Variants in STX8 observed in about 807,000 individuals in gnomAD.
STX8 encodes the protein syntaxin 8.
A neutral mutation model predicts 37.5 loss-of-function variants in STX8; 23 were observed. The observed-to-expected ratio is 0.61, with a 90% confidence interval of 0.44 to 0.87. The LOEUF is 0.87. Ranked by LOEUF, STX8 falls within the 40% of genes least tolerant of loss-of-function variation. The pLI is 0.00. For missense variants in STX8, 313 were observed against 284.7 expected, an observed-to-expected ratio of 1.10 and a Z score of -0.71; for synonymous variants, 115 against 99.1, an observed-to-expected ratio of 1.16 and a Z score of -0.95.
chr17:9,338,048 ATTT>A (rs972471091), intron 7 of STX8, among the ~76,000 whole-genome samples: 4 of 107,870 alleles, frequency 3.7e-5, no homozygotes, highest in Non-Finnish European at 5.6e-5. Flanking sequence ...CCTCTGAAGG[ATTT>A]TTTTTTTTTT....
chr17:9,327,665 G>A (rs1293219632), intron 7 of STX8, among the ~76,000 whole-genome samples: 1 of 152,052 alleles, frequency 6.6e-6, no homozygotes, highest in Non-Finnish European at 1.5e-5. Context: ...AGACAAGGTA[G>A]GGCAGAGAAT....
intron 6 of STX8, among the ~76,000 whole-genome samples, chr17:9,403,868 G>C (rs1873358278): frequency 1.3e-5 from 2 of 152,060 alleles, no homozygotes; most frequent in East Asian, 3.9e-4. Context: ...GGCTGGTCTC[G>C]AACTCCTGAC....
At chr17:9,295,713 A>G (rs1908494491) in intron 7 of STX8, among the ~76,000 whole-genome samples, 1 of 152,072 alleles carries the variant, frequency 6.6e-6, no homozygotes, top group Non-Finnish European at 1.5e-5. Context: ...ACCGCACTCC[A>G]GCGTGACGAC....
chr17:9,485,467 A>G (rs1047756081), intron 6 of STX8, among the ~76,000 whole-genome samples: 5 of 152,244 alleles, frequency 3.3e-5, no homozygotes, highest in Middle Eastern at 3.2e-3. Context: ...AAAAAAATGT[A>G]TGCCTGCTGT....
chr17:9,498,431 G>A (rs1031202713), intron 5 of STX8, among the ~76,000 whole-genome samples: 4 of 151,658 alleles, frequency 2.6e-5, no homozygotes, highest in Non-Finnish European at 4.4e-5. Flanking sequence ...GGTCAAGCTA[G>A]ATAAAAAGTT....
At chr17:9,367,791 T>C (rs1339489142) in intron 7 of STX8, among the ~76,000 whole-genome samples, 3 of 152,136 alleles carry the variant, frequency 2.0e-5, no homozygotes, top group South Asian at 2.1e-4. Flanking sequence ...AGTGCAGTGG[T>C]AGGATCTCGG....
intron 7 of STX8, among the ~76,000 whole-genome samples, chr17:9,334,055 G>C (rs1357319971): frequency 6.6e-6 from 1 of 151,656 alleles, no homozygotes; most frequent in Non-Finnish European, 1.5e-5. Context: ...GAGGGGCAGT[G>C]AGCTGGGGAG....
intron 7 of STX8, among the ~76,000 whole-genome samples, chr17:9,255,555 TATATAA>T (rs1567756288): frequency 1.0e-4 from 7 of 68,386 alleles, no homozygotes; most frequent in African/African-American, 3.3e-4. Context: ...AATAAATAAA[TATATAA>T]ATAAATAAAT....
chr17:9,511,641 A>G (rs1905020970), intron 4 of STX8, among the ~76,000 whole-genome samples: 1 of 152,194 alleles, frequency 6.6e-6, no homozygotes, highest in South Asian at 2.1e-4. Flanking sequence ...AGCTAACATC[A>G]TACAGAAAAG....
Position 9,324,153 on chromosome 17 carries a change from CACAA to C in STX8, c.643+54395_643+54398del, listed in dbSNP as rs1174763207. ...ACACACACACACACACACACACACA[CACAA>C]ACACAAACACACACTCCAGTTGTAC... On this transcript the variant is annotated intron_variant, in intron 7 of 7. Coordinates refer to ENST00000306357, the MANE Select transcript of STX8 (RefSeq NM_004853.3). Among the ~76,000 whole-genome samples the C allele has an allele frequency of 9.0e-4, 132 of 145,910 alleles. 1 individual carries two copies. The South Asian group carries it at 0.025, about 27-fold the overall frequency.
rs1159440564 is a variant in STX8, at chr17:9,271,371, T to C, written c.644-20726A>G. Among the ~76,000 whole-genome samples the C allele has an allele frequency of 2.0e-5, 3 of 152,206 alleles. No homozygotes were observed. The East Asian group carries it at 5.8e-4, about 29-fold the overall frequency. On this transcript the variant is annotated intron_variant, in intron 7 of 7. Transcript: ENST00000306357. ...CAGGTGGCTGAAGGATGAGAATCGC[T>C]TGAACCCAGGAAGCGGACGTTGCAG...
intron 7 of STX8, among the ~76,000 whole-genome samples, chr17:9,319,122 T>C (rs540097676): frequency 2.0e-5 from 3 of 152,326 alleles, no homozygotes; most frequent in African/African-American, 7.2e-5. Flanking sequence ...GAGATGTTGA[T>C]ATATTAAAAA....
intron 6 of STX8, among the ~76,000 whole-genome samples, chr17:9,466,244 T>C (rs1905608525): frequency 6.6e-6 from 1 of 152,244 alleles, no homozygotes; most frequent in Admixed American, 6.5e-5. Context: ...GTGCTGGGAT[T>C]ACAGGCTTGA....
chr17:9,390,432 G>C (rs925814309), intron 6 of STX8, among the ~76,000 whole-genome samples: 1 of 151,852 alleles, frequency 6.6e-6, no homozygotes, highest in African/African-American at 2.4e-5. Flanking sequence ...TGAGACAGAA[G>C]AATCACTTGA....
In STX8 at chr17:9,491,193, T is replaced by C. The variant is rs1326605452; in HGVS notation, c.541+636A>G. ...TTACCATCTCACCCAAAAACCAGTG[T>C]CTGCTCTCAAGTTTCCCAACTTCAT... On this transcript the variant is annotated intron_variant, in intron 6 of 7. Transcript: ENST00000306357. Among the ~76,000 whole-genome samples the C allele has an allele frequency of 2.0e-5, 3 of 152,130 alleles. No individual in the cohort carries two copies. The East Asian group carries it at 5.8e-4, about 29-fold the overall frequency.
intron 7 of STX8, among the ~76,000 whole-genome samples, chr17:9,322,138 G>C (rs1363732901): frequency 6.6e-6 from 1 of 152,228 alleles, no homozygotes; most frequent in Admixed American, 6.5e-5. Flanking sequence ...CAGTACACAA[G>C]TCCTCAGCAG....
chr17:9,440,836 T>G (rs1220726274), intron 6 of STX8, among the ~76,000 whole-genome samples: 1 of 152,154 alleles, frequency 6.6e-6, no homozygotes, highest in Non-Finnish European at 1.5e-5. Flanking sequence ...GATTTTTTTT[T>G]AAACCACAGT....
At chr17:9,547,759 A>G (rs1308929863) in intron 3 of STX8, among the ~76,000 whole-genome samples, 1 of 149,988 alleles carries the variant, frequency 6.7e-6, no homozygotes. Context: ...ACTCTCATAC[A>G]TTCTTTCCTT....
At chr17:9,384,853 A>T (rs965566432) in intron 6 of STX8, among the ~76,000 whole-genome samples, 5 of 149,986 alleles carry the variant, frequency 3.3e-5, no homozygotes, top group Non-Finnish European at 7.4e-5. Flanking sequence ...ATTCTCAACA[A>T]AGGAAAGAAA....
Sources: gnomAD v4.1 joint callset for allele counts (sites outside exome capture counted in the v4.1 genomes callset) on GRCh38, gnomAD v4.1.1 for gene constraint, MANE v1.5 for transcripts, NCBI Gene and HGNC (gene_info 2026-07-23, HGNC 2026-07-21) for gene names.